Variants in GRM3 observed in about 807,000 individuals in gnomAD.
GRM3 encodes metabotropic glutamate receptor 3.
Under a neutral mutation model 70.5 loss-of-function variants are expected in GRM3, and 26 were observed. The observed-to-expected ratio is 0.37, with a 90% CI of 0.27 to 0.51. The LOEUF (loss-of-function observed/expected upper bound fraction) is 0.51, where lower values mean the gene tolerates loss of function less well. Among genes scored for constraint, GRM3 ranks in the 20% least tolerant of loss-of-function variants. GRM3 has a pLI of 0.93. For synonymous variants in GRM3, 443 were observed against 434.9 expected (o/e 1.02, Z -0.23); for missense variants, 859 against 1,123.8 (o/e 0.76, Z 3.37).
chr7:86,792,680 G>T (rs1436420185), intron 3 of GRM3, among the ~76,000 whole-genome samples: 1 of 152,188 alleles, frequency 6.6e-6, no homozygotes, highest in Non-Finnish European at 1.5e-5. Context: ...GGCAGATGCA[G>T]TCCCTGCTTC....
chr7:86,769,983 T>C (rs1360804392), intron 2 of GRM3, among the ~76,000 whole-genome samples: 1 of 152,174 alleles, frequency 6.6e-6, no homozygotes, highest in Non-Finnish European at 1.5e-5. Context: ...ACAGTATTTA[T>C]ATTTATTCAA....
At chr7:86,783,501 A>G (rs1797133168) in intron 2 of GRM3, among the ~76,000 whole-genome samples, 2 of 142,630 alleles carry the variant, frequency 1.4e-5, no homozygotes, top group African/African-American at 5.6e-5. Flanking sequence ...CTATCAAAAG[A>G]GCAAAATATG....
chr7:86,670,595 G>C (rs562541544), intron 1 of GRM3, among the ~76,000 whole-genome samples: 70 of 152,184 alleles, frequency 4.6e-4, no homozygotes, highest in African/African-American at 1.6e-3. Flanking sequence ...TCTTGCTTTA[G>C]AACTTGATTT....
chr7:86,695,361 T>TA (rs952536652), intron 1 of GRM3, among the ~76,000 whole-genome samples: 1 of 152,190 alleles, frequency 6.6e-6, no homozygotes, highest in African/African-American at 2.4e-5. Context: ...TCCCTAGAAT[T>TA]AAAATCTTTC....
intron 5 of GRM3, among the ~76,000 whole-genome samples, chr7:86,851,667 T>TC (rs1264717251): frequency 2.0e-5 from 3 of 151,990 alleles, no homozygotes; most frequent in African/African-American, 7.3e-5. Context: ...GGGCAGCCCT[T>TC]CCCCCAGGAA....
intron 1 of GRM3, among the ~76,000 whole-genome samples, chr7:86,673,830 CCTT>C (rs1242561141): frequency 1.3e-5 from 2 of 152,106 alleles, no homozygotes; most frequent in African/African-American, 2.4e-5. Flanking sequence ...AACATTGACT[CCTT>C]CTTCTATAAC....
intron 1 of GRM3, among the ~76,000 whole-genome samples, chr7:86,752,828 C>A (rs1233723268): frequency 3.9e-5 from 6 of 152,046 alleles, no homozygotes; most frequent in Admixed American, 3.3e-4. Flanking sequence ...TCCAGATTGA[C>A]TCAGGATAAG....
chr7:86,824,936 A>G (rs1298302333), intron 3 of GRM3, among the ~76,000 whole-genome samples: 3 of 152,176 alleles, frequency 2.0e-5, no homozygotes, highest in Non-Finnish European at 4.4e-5. Context: ...TGAGACTCAA[A>G]TGATTTCTGG....
chr7:86,793,833 C>A (rs1401993659), intron 3 of GRM3, among the ~76,000 whole-genome samples: 1 of 151,882 alleles, frequency 6.6e-6, no homozygotes, highest in Admixed American at 6.6e-5. Context: ...TTATTATTGT[C>A]ATTATTATTT....
chr7:86,791,696 A>G (rs1228051571), intron 3 of GRM3, among the ~76,000 whole-genome samples: 1 of 152,200 alleles, frequency 6.6e-6, no homozygotes, highest in African/African-American at 2.4e-5. Context: ...CTAAATATTA[A>G]TGAAATGCTA....
chr7:86,644,950 A>G, intron 1 of GRM3, 78 bp downstream of exon 1: 1 of 730,662 alleles, frequency 1.4e-6, no homozygotes, highest in Non-Finnish European at 2.0e-6. Context: ...CGCGTGGGGC[A>G]GGCGCAGCCG....
At chr7:86,804,395 T>G (rs1797744677) in intron 3 of GRM3, among the ~76,000 whole-genome samples, 1 of 152,124 alleles carries the variant, frequency 6.6e-6, no homozygotes, top group South Asian at 2.1e-4. Flanking sequence ...TTAATAGAAT[T>G]ATCAGATATG....
chr7:86,768,244 A>T (rs1796654160), intron 2 of GRM3, among the ~76,000 whole-genome samples: 1 of 152,208 alleles, frequency 6.6e-6, no homozygotes, highest in Non-Finnish European at 1.5e-5. Context: ...AATAAATGGT[A>T]ACCTTATGTC....
chr7:86,828,703 T>C (rs939509453), intron 3 of GRM3, among the ~76,000 whole-genome samples: 10 of 152,148 alleles, frequency 6.6e-5, no homozygotes, highest in Non-Finnish European at 1.3e-4. Context: ...TGCTGACTGA[T>C]TAGGGTGGTG....
At chr7:86,772,970 A>G (rs1212034336) in intron 2 of GRM3, among the ~76,000 whole-genome samples, 1 of 151,898 alleles carries the variant, frequency 6.6e-6, no homozygotes, top group African/African-American at 2.4e-5. Flanking sequence ...CTCTTTACTC[A>G]TGTCTAAAAC....
intron 3 of GRM3, among the ~76,000 whole-genome samples, chr7:86,789,693 A>G (rs1797358328): frequency 6.6e-6 from 1 of 152,196 alleles, no homozygotes; most frequent in African/African-American, 2.4e-5. Flanking sequence ...GCATGTACTC[A>G]ATACATTTAC....
intron 5 of GRM3, among the ~76,000 whole-genome samples, chr7:86,862,078 C>A (rs73194600): frequency 0.035 from 5,392 of 152,186 alleles, 133 homozygotes; most frequent in Non-Finnish European, 0.052. Flanking sequence ...TTGGTTTGGG[C>A]AATTGGCCAG....
chr7:86,830,862 T>C (rs1037393032), intron 3 of GRM3, among the ~76,000 whole-genome samples: 5 of 152,146 alleles, frequency 3.3e-5, no homozygotes, highest in African/African-American at 9.7e-5. Context: ...CCCAGTCCAA[T>C]ATGGCTGGTG....
At chr7:86,666,767 G>A (rs912542653) in intron 1 of GRM3, among the ~76,000 whole-genome samples, 1 of 151,846 alleles carries the variant, frequency 6.6e-6, no homozygotes, top group East Asian at 1.9e-4. Context: ...ATTTTGTTTG[G>A]ACAAATTAGG....
Sources: allele counts gnomAD v4.1 joint callset (sites outside exome capture counted in the v4.1 genomes callset), GRCh38; gene constraint gnomAD v4.1.1; transcripts MANE v1.5; gene names NCBI Gene and HGNC (gene_info 2026-07-23, HGNC 2026-07-21).